The following ANKRD53 variants were observed in gnomAD, a reference collection of about 807,000 sequenced individuals.
ANKRD53 encodes the protein ankyrin repeat domain-containing protein 53.
In ANKRD53, 27 loss-of-function variants were observed where a neutral mutation model predicts 30.1. The observed-to-expected ratio is 0.90, with a 90% CI of 0.66 to 1.24. The LOEUF is 1.24. Ranked by LOEUF, ANKRD53 falls within the 50% of genes most tolerant of loss-of-function variation. The pLI is 0.00. For missense variants in ANKRD53, 682 were observed against 721.0 expected, an observed-to-expected ratio of 0.95 and a Z score of 0.62; for synonymous variants, 286 against 295.4, an observed-to-expected ratio of 0.97 and a Z score of 0.33.
At chr2:70,978,483 G>T (rs1441507472), upstream of ANKRD53, 1 of 788,468 alleles carries the variant, frequency 1.3e-6, no homozygotes, top group Non-Finnish European at 1.8e-6. This position sits in a 1 kb window ranked among gnomAD's most constrained non-coding sequence, Gnocchi z 4.3. Flanking sequence ...GGTCCCCGGA[G>T]GCCCCCGGGC....
In ANKRD53 at chr2:70,982,403, T is replaced by C. The variant is rs1670038900; in HGVS notation, c.783-174T>C. 1 of 939,032 alleles carries C rather than the reference T, an allele frequency of 1.1e-6. No homozygotes were observed. 58.2% of individuals were successfully genotyped at this position (939,032 alleles called of 1,614,324 possible). A position where few individuals can be genotyped will look rare whatever the true frequency, so the allele number is the denominator to read the frequency against. On this transcript the variant is annotated intron_variant, in intron 4 of 5. Coordinates refer to ENST00000360589, the MANE Select transcript of ANKRD53 (RefSeq NM_001115116.2). The surrounding 1 kb of genome is among the most constrained non-coding windows in gnomAD (Gnocchi z 4.2). ...TCATCAAGGACTTTCGTCTTTCACC[T>C]AAAGGAAGTAGGGAGCCAGAGGGCC... is the stretch of plus-strand genomic sequence containing the variant.
intron 2 of ANKRD53, 60 bp downstream of exon 2, chr2:70,979,403 T>G: frequency 6.2e-7 from 1 of 1,603,750 alleles, no homozygotes; most frequent in Non-Finnish European, 8.5e-7. Context: ...CTGCTCGGAG[T>G]GGTCACCTGG....
chr2:70,979,859 G>T lies in ANKRD53; in HGVS notation c.616G>T (p.Ala206Ser), dbSNP rs201192206. 1 of 1,614,206 alleles carries T rather than the reference G, an allele frequency of 6.2e-7. No homozygotes were observed. The highest frequency in any genetic ancestry group is 8.5e-7 in the Non-Finnish European group (1 of 1,180,038). ...GCTGGAGAAAGGCGCAGACCTCAAT[G>T]CGTGAGTCCAGCCTGCTTCAGGAGG... The part of the protein sequence containing the change: ...YLLEKGADLN[A>S]QTCNGSTPLH... Residue 206 changes from alanine (A) to serine (S), a missense_variant and splice_region_variant, in exon 3 of 6, where the codon GCT becomes TCT. Ala to Ser is a moderately conservative substitution (Grantham distance 99). Transcript: ENST00000360589.
At position 70,979,883 on chromosome 2, in the gene ANKRD53, G is replaced by C. The variant is rs1553423261; in HGVS notation, c.617+23G>C. The stretch of plus-strand genomic sequence containing the variant: ...TGCGTGAGTCCAGCCTGCTTCAGGA[G>C]GGAGGCTTCGGGCACAGGCACGGGC... On this transcript the variant is annotated intron_variant, in intron 3 of 5. Coordinates refer to ENST00000360589, the MANE Select transcript of ANKRD53 (RefSeq NM_001115116.2). 5 of 1,613,834 alleles carry C rather than the reference G, an allele frequency of 3.1e-6. No homozygotes were observed. The Admixed American group carries it at 8.3e-5, about 27-fold the overall frequency.
chr2:70,979,186 G>A lies in ANKRD53; in HGVS notation c.260G>A (p.Arg87His), dbSNP rs143122611. The A allele has an allele frequency of 1.6e-5, 26 of 1,607,632 alleles. No individual in the cohort carries two copies. The African/African-American group carries it at 3.3e-4, about 21-fold the overall frequency. ...PRRPASLTPP[R>H]ADPSPSKESD... ...CGCCCTGCCTCGCTCACCCCGCCCC[G>A]CGCTGACCCCAGCCCCAGCAAGGAG... is the stretch of plus-strand genomic sequence containing the variant. The change falls in exon 2 of 6, where the codon CGC (arginine) becomes CAC (histidine). Residue 87 changes from arginine to histidine, a missense_variant. Arg to His is a conservative substitution (Grantham distance 29, BLOSUM62 0). Coordinates refer to ENST00000360589, the MANE Select transcript of ANKRD53 (RefSeq NM_001115116.2).
At position 70,979,154 on chromosome 2, in the gene ANKRD53, GCCGCGCCGCCCTGCCTCGCTCACC is replaced by G. The variant is rs782194400; in HGVS notation, c.233_256del (p.Arg78_Pro85del). Reference sequence around the variant, plus strand: ...GTGCGCAGGCGACTGCCCTCGCCAGGCCGCGCCGCCCTGCCTCGCTCACCCCGCCCCGCGCTGACCCCAGCCCCA... The same window carrying G: ...GTGCGCAGGCGACTGCCCTCGCCAGGCCGCCCCGCGCTGACCCCAGCCCCA... On this transcript the variant is annotated inframe_deletion, in exon 2 of 6. Transcript: ENST00000360589. The G allele has an allele frequency of 6.2e-7, 1 of 1,610,234 alleles. No homozygotes were observed. Among genetic ancestry groups the G allele is most frequent in the East Asian group, 2.2e-5 (1 of 44,844 alleles).
Position 70,979,675 on chromosome 2 carries a change from C to T in ANKRD53, c.432C>T (p.Ile144=), listed in dbSNP as rs376731435. 6.8e-6 allele frequency: 11 copies of T among 1,613,680 alleles called. No individual in the cohort carries two copies. In the African/African-American group the frequency reaches 1.3e-4, roughly 20 times the overall value. ...GAACCTCACAGGGCTTCACTGCCATCCACTTCGCCGCCCAATGGGGCAAGC... is the reference window on the plus strand; with the variant it reads ...GAACCTCACAGGGCTTCACTGCCATTCACTTCGCCGCCCAATGGGGCAAGC... ...IPTDDKGFTA[I]HFAAQWGKLA... is the part of the protein sequence containing the mutation. The change falls in exon 3 of 6, where the codon ATC becomes ATT. Residue 144 remains isoleucine (I), a synonymous_variant. Transcript: ENST00000360589.
At chr2:70,981,835 G>T in intron 3 of ANKRD53, 101 bp from the exon 4 acceptor site, 1 of 1,317,680 alleles carries the variant, frequency 7.6e-7, no homozygotes, top group South Asian at 1.6e-5. Context: ...TGGACTGATG[G>T]TAGAGCAGGG....
At chr2:70,980,728 G>A (rs551272578) in intron 3 of ANKRD53, among the ~76,000 whole-genome samples, 14 of 152,252 alleles carry the variant, frequency 9.2e-5, no homozygotes, top group African/African-American at 2.6e-4. Flanking sequence ...AGCGGATCAC[G>A]AGGTCAGGAG....
Position 70,984,949 on chromosome 2 carries a change from C to A in ANKRD53, c.1242C>A (p.Pro414=). Residue 414 remains proline (P), a synonymous_variant, in exon 6 of 6, where the codon CCC becomes CCA. Coordinates refer to ENST00000360589, the MANE Select transcript of ANKRD53 (RefSeq NM_001115116.2). ...TCCGCCTGGGCGTGCATCCAGACCC[C>A]ACTCCGGAGCACGACTTCAGCAGCT... The part of the protein sequence containing the change: ...QGIRLGVHPD[P]TPEHDFSSFL... 6.4e-7 allele frequency: 1 copy of A among 1,550,486 alleles called. No homozygotes were observed. Among genetic ancestry groups the A allele is most frequent in the South Asian group, 1.2e-5 (1 of 84,048 alleles).
chr2:70,978,868 C>T lies in ANKRD53; in HGVS notation c.170+53C>T. On this transcript the variant is annotated intron_variant, in intron 1 of 5. Transcript: ENST00000360589. The surrounding 1 kb of genome is among the most constrained non-coding windows in gnomAD (Gnocchi z 4.3). ...TGCAGGGAGCGAGAACCCGGCCCAG[C>T]GCCTCCCTGGTGGGCAGGGCCTGGA... The T allele has an allele frequency of 2.0e-6, 3 of 1,525,156 alleles. No individual in the cohort carries two copies. The highest frequency in any genetic ancestry group is 2.6e-6 in the Non-Finnish European group (3 of 1,134,732). 94.5% of individuals were successfully genotyped at this position (1,525,156 alleles called of 1,614,324 possible). A position where few individuals can be genotyped will look rare whatever the true frequency, so the allele number is the denominator to read the frequency against.
chr2:70,978,525 C>G, upstream of ANKRD53: 5 of 1,230,216 alleles, frequency 4.1e-6, no homozygotes, highest in South Asian at 1.8e-5. The surrounding 1 kb of genome is among the most constrained non-coding windows in gnomAD (Gnocchi z 4.3). Flanking sequence ...GCAGCCGAAC[C>G]CTAGCGGCCT....
At position 70,985,419 on chromosome 2, in the gene ANKRD53, CGAG is replaced by C. The variant is rs1249469785; in HGVS notation, c.*123_*125del. On this transcript the variant is annotated 3_prime_UTR_variant, in exon 6 of 6. Coordinates refer to ENST00000360589, the MANE Select transcript of ANKRD53 (RefSeq NM_001115116.2). ...CCTATGGGCTTCCCACTCCCAAGCT[CGAG>C]GAGTCACCCTTCCCAATCAAAAGCC... 3.4e-6 allele frequency: 3 copies of C among 895,162 alleles called. No individual in the cohort carries two copies. In the African/African-American group the frequency reaches 5.0e-5, roughly 15 times the overall value. 55.5% of individuals were successfully genotyped at this position (895,162 alleles called of 1,614,324 possible). A position where few individuals can be genotyped will look rare whatever the true frequency, so the allele number is the denominator to read the frequency against.
chr2:70,981,894 T>C, intron 3 of ANKRD53, 42 bp from the exon 4 acceptor site: 2 of 1,499,350 alleles, frequency 1.3e-6, no homozygotes, highest in Non-Finnish European at 1.8e-6. Flanking sequence ...GCTCTTTGTC[T>C]TTCCTTTCTG....
rs782130483 is a variant in ANKRD53, at chr2:70,982,117, C to T, written c.782+17C>T. ...CTGTGCCCGGTGAGAGTGTGAGAAC[C>T]ACCTGGAGCCTGCCCACCCCCTTCC... On this transcript the variant is annotated intron_variant, in intron 4 of 5. Transcript: ENST00000360589. The surrounding 1 kb of genome is among the most constrained non-coding windows in gnomAD (Gnocchi z 4.2). The T allele has an allele frequency of 6.3e-7, 1 of 1,584,256 alleles. No homozygotes were observed. The highest frequency in any genetic ancestry group is 2.3e-5 in the East Asian group (1 of 44,290).
At chr2:70,984,439 C>G in intron 5 of ANKRD53, 172 bp from the exon 6 acceptor site, 1 of 985,402 alleles carries the variant, frequency 1.0e-6, no homozygotes, top group Non-Finnish European at 1.2e-6. Context: ...AACACCGGCT[C>G]CCATAAGGCA....
At position 70,982,275 on chromosome 2, in the gene ANKRD53, C is replaced by T. The variant is rs2104856919; in HGVS notation, c.782+175C>T. 2 of 835,578 alleles carry T rather than the reference C, an allele frequency of 2.4e-6. No homozygotes were observed. The highest frequency in any genetic ancestry group is 3.8e-5 in the South Asian group (2 of 52,440). The allele number at this position is 835,578 out of a possible 1,614,324, so 51.8% of individuals were successfully genotyped here. A position where few individuals can be genotyped will look rare whatever the true frequency, so the allele number is the denominator to read the frequency against. On this transcript the variant is annotated intron_variant, in intron 4 of 5. Transcript: ENST00000360589. This position sits in a 1 kb window ranked among gnomAD's most constrained non-coding sequence, Gnocchi z 4.2. ...TGAGGCAATCACCTCATCACCTGGGCTTGGGGGTAAGTCTGCCCAGGTCCC... is the reference window on the plus strand; with the variant it reads ...TGAGGCAATCACCTCATCACCTGGGTTTGGGGGTAAGTCTGCCCAGGTCCC...
rs1269837277 is a variant in ANKRD53, at chr2:70,984,949, C to T, written c.1242C>T (p.Pro414=). 3 of 1,550,368 alleles carry T rather than the reference C, an allele frequency of 1.9e-6. No individual in the cohort carries two copies. In the African/African-American group the frequency reaches 4.1e-5, roughly 21 times the overall value. Residue 414 remains proline (P), a synonymous_variant, in exon 6 of 6, where the codon CCC becomes CCT. Transcript: ENST00000360589. ...TCCGCCTGGGCGTGCATCCAGACCC[C>T]ACTCCGGAGCACGACTTCAGCAGCT... ...QGIRLGVHPD[P]TPEHDFSSFL... is the part of the protein sequence containing the mutation.
intron 5 of ANKRD53, chr2:70,984,331 T>A (rs2160070): frequency 0.087 from 140,260 of 1,607,890 alleles, 10,932 homozygotes; most frequent in African/African-American, 0.33. Flanking sequence ...AGGCTACATC[T>A]CTCCCATCAG....
Sources: allele counts gnomAD v4.1 joint callset (sites outside exome capture counted in the v4.1 genomes callset), GRCh38; gene constraint gnomAD v4.1.1; non-coding constraint Gnocchi (gnomAD v3.1); transcripts MANE v1.5; gene names NCBI Gene and HGNC (gene_info 2026-07-23, HGNC 2026-07-21).